The following TESK2 variants were observed in gnomAD, a reference collection of about 807,000 sequenced individuals.
TESK2 encodes dual specificity testis-specific protein kinase 2.
TESK2 carries 39 observed loss-of-function variants against 57.1 expected under a neutral mutation model. The observed-to-expected ratio is 0.68, with a 90% CI of 0.53 to 0.89. The LOEUF (loss-of-function observed/expected upper bound fraction) is 0.89. Among genes scored for constraint, TESK2 ranks in the 40% least tolerant of loss-of-function variants. TESK2 has a pLI of 0.00. For synonymous variants in TESK2, 249 were observed against 267.9 expected (o/e 0.93, Z 0.69); for missense variants, 646 against 732.1 (o/e 0.88, Z 1.36).
intron 2 of TESK2, among the ~76,000 whole-genome samples, chr1:45,436,272 C>T (rs1458504329): frequency 7.1e-6 from 1 of 140,018 alleles, no homozygotes; most frequent in Non-Finnish European, 1.5e-5. Context: ...GCAACCTCCA[C>T]CTCCCAGGCT....
chr1:45,401,589 T>C (rs1415614711), intron 3 of TESK2, among the ~76,000 whole-genome samples: 2 of 152,198 alleles, frequency 1.3e-5, no homozygotes, highest in South Asian at 4.2e-4. Flanking sequence ...ACTGTGCTAA[T>C]TGCTTTATAA....
intron 4 of TESK2, among the ~76,000 whole-genome samples, chr1:45,377,749 C>T (rs1436980653): frequency 5.5e-5 from 8 of 144,594 alleles, no homozygotes; most frequent in African/African-American, 2.0e-4. Context: ...TGATAAGGGC[C>T]GGGCACAGTG....
At chr1:45,464,758 C>T (rs1324033413) in intron 1 of TESK2, among the ~76,000 whole-genome samples, 15 of 152,176 alleles carry the variant, frequency 9.9e-5, no homozygotes, top group South Asian at 2.1e-4. Flanking sequence ...CTCATTGCAG[C>T]TCAATGGGTC....
intron 2 of TESK2, among the ~76,000 whole-genome samples, chr1:45,443,243 A>T (rs1443490979): frequency 1.3e-5 from 2 of 152,232 alleles, no homozygotes; most frequent in East Asian, 3.9e-4. Context: ...ATGATCCTAA[A>T]TTCCAAAACT....
At chr1:45,368,140 G>A (rs553659877) in intron 4 of TESK2, among the ~76,000 whole-genome samples, 153 of 150,300 alleles carry the variant, frequency 1.0e-3, no homozygotes, top group African/African-American at 3.5e-3. Context: ...GATTACAGGC[G>A]CCTGCCACCA....
intron 1 of TESK2, among the ~76,000 whole-genome samples, chr1:45,465,414 AAGAGAGAG>A (rs35969225): frequency 7.8e-5 from 11 of 140,184 alleles, no homozygotes; most frequent in Admixed American, 1.5e-4. Context: ...CCAAAAAAGA[AAGAGAGAG>A]AGAGAGAGAG....
chr1:45,346,620 T>G (rs960651951), intron 9 of TESK2, 73 bp downstream of exon 9: 1 of 1,319,276 alleles, frequency 7.6e-7, no homozygotes, highest in Admixed American at 1.9e-5. Context: ...TAGCAGCCTC[T>G]CTGTACAGTC....
chr1:45,344,767 G>A lies in TESK2; in HGVS notation c.*73C>T. 7.2e-7 allele frequency: 1 copy of A among 1,392,548 alleles called. No individual in the cohort carries two copies. The highest frequency in any genetic ancestry group is 2.0e-5 in the Admixed American group (1 of 49,646). The allele number at this position is 1,392,548 out of a possible 1,614,324, so 86.3% of individuals were successfully genotyped here. ...TCTGTAGGCTCCAGGGAAGAATCAAGGCTGTGCACCTAGGGGGCCATATGG... is the reference window on the plus strand; with the variant it reads ...TCTGTAGGCTCCAGGGAAGAATCAAAGCTGTGCACCTAGGGGGCCATATGG... On this transcript the variant is annotated 3_prime_UTR_variant, in exon 11 of 11. Transcript: ENST00000372086.
At chr1:45,371,605 G>C (rs952869342) in intron 4 of TESK2, among the ~76,000 whole-genome samples, 3 of 152,208 alleles carry the variant, frequency 2.0e-5, no homozygotes, top group African/African-American at 7.2e-5. Flanking sequence ...GCTCACGCCT[G>C]TAATCCCAGC....
At position 45,345,240 on chromosome 1, in the gene TESK2, G is replaced by A. The variant is rs1389363723; in HGVS notation, c.1316C>T (p.Pro439Leu). The A allele has an allele frequency of 3.7e-6, 6 of 1,614,080 alleles. No homozygotes were observed. Among genetic ancestry groups the A allele is most frequent in the Non-Finnish European group, 4.2e-6 (5 of 1,180,044 alleles). ...DLDAPGPGTM[P>L]LADWQEPLAP... ...CAGGGGCTCCTGCCAGTCAGCCAGGGGCATAGTTCCGGGCCCTGGTGCATC... is the reference window on the plus strand; with the variant it reads ...CAGGGGCTCCTGCCAGTCAGCCAGGAGCATAGTTCCGGGCCCTGGTGCATC... The change falls in exon 11 of 11, where the codon CCC (proline) becomes CTC (leucine). Residue 439 changes from proline (P) to leucine (L), a missense_variant. Transcript: ENST00000372086.
chr1:45,486,609 A>G (rs1030697835), intron 1 of TESK2, among the ~76,000 whole-genome samples: 1 of 151,238 alleles, frequency 6.6e-6, no homozygotes, highest in African/African-American at 2.4e-5. Flanking sequence ...TGGGAAGCGG[A>G]GCTTGCAGTG....
At chr1:45,351,719 C>T (rs577706040) in intron 5 of TESK2, among the ~76,000 whole-genome samples, 2 of 152,318 alleles carry the variant, frequency 1.3e-5, no homozygotes, top group East Asian at 3.9e-4. Flanking sequence ...TCACTGAAGT[C>T]GTTCAGAGAT....
chr1:45,452,019 C>T (rs1570745344), intron 2 of TESK2, among the ~76,000 whole-genome samples: 2 of 77,924 alleles, frequency 2.6e-5, no homozygotes, highest in East Asian at 4.9e-4. Flanking sequence ...GGAGACAGAA[C>T]AAGACTCCGT....
chr1:45,421,577 A>G, intron 3 of TESK2, 148 bp downstream of exon 3: 1 of 1,125,502 alleles, frequency 8.9e-7, no homozygotes, highest in Non-Finnish European at 1.3e-6. Flanking sequence ...CAATGGGTAG[A>G]AAACGACCTA....
At chr1:45,451,367 A>G (rs1230149516) in intron 2 of TESK2, among the ~76,000 whole-genome samples, 1 of 152,214 alleles carries the variant, frequency 6.6e-6, no homozygotes, top group Non-Finnish European at 1.5e-5. Context: ...CAGATGTGTG[A>G]CAGCAAACCA....
At chr1:45,391,659 T>C (rs1347420709) in intron 3 of TESK2, among the ~76,000 whole-genome samples, 1 of 152,218 alleles carries the variant, frequency 6.6e-6, no homozygotes, top group Non-Finnish European at 1.5e-5. Context: ...ATTGGAATAC[T>C]ATATTTACTG....
chr1:45,461,550 T>C (rs1447505015), intron 1 of TESK2, among the ~76,000 whole-genome samples: 1 of 152,128 alleles, frequency 6.6e-6, no homozygotes, highest in African/African-American at 2.4e-5. Context: ...TTTTCCACTA[T>C]GAGAGCTGTA....
intron 2 of TESK2, among the ~76,000 whole-genome samples, chr1:45,429,779 A>G (rs1650874358): frequency 6.6e-6 from 1 of 152,192 alleles, no homozygotes; most frequent in South Asian, 2.1e-4. Context: ...TGGCATAACT[A>G]AAGTCCCTCC....
At chr1:45,371,342 T>C (rs1374667934) in intron 4 of TESK2, among the ~76,000 whole-genome samples, 2 of 151,996 alleles carry the variant, frequency 1.3e-5, no homozygotes, top group Non-Finnish European at 2.9e-5. Flanking sequence ...AGCCAAGAGG[T>C]GAAAGCAACC....
Sources: gnomAD v4.1 joint callset for allele counts (sites outside exome capture counted in the v4.1 genomes callset) on GRCh38, gnomAD v4.1.1 for gene constraint, MANE v1.5 for transcripts, NCBI Gene and HGNC (gene_info 2026-07-23, HGNC 2026-07-21) for gene names.